The following TNNI3K variants were observed in gnomAD, a reference collection of about 807,000 sequenced individuals.
TNNI3K encodes the protein serine/threonine-protein kinase TNNI3K.
A neutral mutation model predicts 114.5 loss-of-function variants in TNNI3K; 140 were observed. The observed-to-expected ratio is 1.22, with a 90% CI of 1.07 to 1.41. The LOEUF (loss-of-function observed/expected upper bound fraction) is 1.41. TNNI3K is among the 40% of genes most tolerant of loss of function. The pLI is 0.00. For missense variants in TNNI3K, 1,125 were observed against 1,007.6 expected, an observed-to-expected ratio of 1.12 and a Z score of -1.58; for synonymous variants, 347 against 347.5, an observed-to-expected ratio of 1.00 and a Z score of 0.02.
At chr1:74,236,258 T>C (rs1231542609) in intron 2 of TNNI3K, 48 bp downstream of exon 2, 1 of 1,514,888 alleles carries the variant, frequency 6.6e-7, no homozygotes, top group Non-Finnish European at 9.0e-7. Flanking sequence ...TCTTCAGTAT[T>C]CACCTTATTT....
intron 21 of TNNI3K, chr1:74,471,179 G>C (rs142694240): frequency 2.5e-6 from 1 of 400,670 alleles, no homozygotes; most frequent in Non-Finnish European, 4.4e-6. Flanking sequence ...TTGACTACAC[G>C]CAAGTTGTTA....
At chr1:74,417,250 C>T (rs1020896216) in intron 17 of TNNI3K, among the ~76,000 whole-genome samples, 11 of 151,976 alleles carry the variant, frequency 7.2e-5, no homozygotes, top group African/African-American at 2.7e-4. Context: ...CTCCTGTAGA[C>T]AGGAGCAGAA....
intron 17 of TNNI3K, among the ~76,000 whole-genome samples, chr1:74,392,349 CT>C (rs1663832542): frequency 6.6e-6 from 1 of 152,102 alleles, no homozygotes; most frequent in African/African-American, 2.4e-5. Context: ...GGCTTAGGGC[CT>C]GGCAGAGGTA....
intron 21 of TNNI3K, among the ~76,000 whole-genome samples, chr1:74,465,346 C>T (rs989428807): frequency 2.6e-5 from 4 of 152,208 alleles, no homozygotes; most frequent in African/African-American, 9.6e-5. Context: ...GGTGCAGGCC[C>T]CATACTTGGA....
chr1:74,365,701 A>G (rs1011897156), intron 11 of TNNI3K, among the ~76,000 whole-genome samples: 5 of 152,028 alleles, frequency 3.3e-5, no homozygotes, highest in African/African-American at 1.2e-4. Flanking sequence ...CCTAGAAATT[A>G]GTTTGTTGGC....
chr1:74,320,962 G>A (rs989957614), intron 5 of TNNI3K, among the ~76,000 whole-genome samples: 1 of 152,154 alleles, frequency 6.6e-6, no homozygotes, highest in Non-Finnish European at 1.5e-5. Context: ...TTGAAGATAG[G>A]TGCAATGTGA....
intron 5 of TNNI3K, among the ~76,000 whole-genome samples, chr1:74,274,730 C>T (rs1478818035): frequency 6.6e-6 from 1 of 152,004 alleles, no homozygotes; most frequent in Non-Finnish European, 1.5e-5. Context: ...CTGAGTAAAT[C>T]TATCATGAGT....
chr1:74,264,867 A>G (rs797008876), intron 4 of TNNI3K, among the ~76,000 whole-genome samples: 6 of 152,186 alleles, frequency 3.9e-5, no homozygotes, highest in African/African-American at 1.2e-4. Context: ...TTACACCTGT[A>G]AGTATCTTGA....
intron 23 of TNNI3K, among the ~76,000 whole-genome samples, chr1:74,534,931 G>A (rs1463469167): frequency 1.3e-5 from 2 of 152,084 alleles, no homozygotes; most frequent in African/African-American, 2.4e-5. Context: ...CATATAGCAC[G>A]TTTCAGTTAC....
intron 17 of TNNI3K, among the ~76,000 whole-genome samples, chr1:74,383,831 A>C (rs1663330716): frequency 6.6e-6 from 1 of 152,122 alleles, no homozygotes; most frequent in African/African-American, 2.4e-5. Context: ...ATCTAATTAA[A>C]TCTTCGTAGC....
intron 17 of TNNI3K, among the ~76,000 whole-genome samples, chr1:74,431,545 T>A (rs1299496499): frequency 1.3e-5 from 2 of 152,054 alleles, no homozygotes. Flanking sequence ...GTAAACTAAG[T>A]CAGTAATTGG....
chr1:74,279,288 ACT>A (rs1656863427), intron 5 of TNNI3K, among the ~76,000 whole-genome samples: 1 of 152,150 alleles, frequency 6.6e-6, no homozygotes, highest in Non-Finnish European at 1.5e-5. Context: ...GGCAGTTATG[ACT>A]CTGTAAAAAT....
chr1:74,416,082 A>G (rs917103538), intron 17 of TNNI3K, among the ~76,000 whole-genome samples: 2 of 152,162 alleles, frequency 1.3e-5, no homozygotes, highest in African/African-American at 4.8e-5. Context: ...TCTTTGGAGG[A>G]AGGTGCTGTA....
At chr1:74,359,515 G>T (rs1001473748) in intron 11 of TNNI3K, among the ~76,000 whole-genome samples, 29 of 151,876 alleles carry the variant, frequency 1.9e-4, no homozygotes, top group Non-Finnish European at 2.9e-4. Context: ...AGTGTGTGTT[G>T]TTTTGTTATA....
chr1:74,457,323 C>A (rs1667267504), intron 20 of TNNI3K, among the ~76,000 whole-genome samples: 2 of 152,132 alleles, frequency 1.3e-5, no homozygotes, highest in South Asian at 2.1e-4. Context: ...GACAATGGAA[C>A]AAATTAATCT....
intron 17 of TNNI3K, among the ~76,000 whole-genome samples, chr1:74,424,765 T>C (rs1665554168): frequency 6.6e-6 from 1 of 150,734 alleles, no homozygotes; most frequent in South Asian, 2.1e-4. Flanking sequence ...TCTCAGAAGG[T>C]TGCTTTGAAG....
intron 11 of TNNI3K, among the ~76,000 whole-genome samples, chr1:74,364,811 C>A (rs1307616338): frequency 6.6e-6 from 1 of 151,208 alleles, no homozygotes; most frequent in South Asian, 2.1e-4. Context: ...TGTGGGTGGC[C>A]TATAAAACTT....
intron 17 of TNNI3K, among the ~76,000 whole-genome samples, chr1:74,378,213 T>C (rs1241799555): frequency 6.6e-6 from 1 of 151,984 alleles, no homozygotes; most frequent in Non-Finnish European, 1.5e-5. Context: ...AAATTTTTCT[T>C]AAAAAAGCAA....
chr1:74,537,545 A>G (rs1246208518), intron 23 of TNNI3K, among the ~76,000 whole-genome samples: 1 of 152,224 alleles, frequency 6.6e-6, no homozygotes, highest in Non-Finnish European at 1.5e-5. Flanking sequence ...CTCCAAATGA[A>G]CATTTTGTAA....
Sources: gnomAD v4.1 joint callset for allele counts (sites outside exome capture counted in the v4.1 genomes callset) on GRCh38, gnomAD v4.1.1 for gene constraint, MANE v1.5 for transcripts, NCBI Gene and HGNC (gene_info 2026-07-23, HGNC 2026-07-21) for gene names.